Variants in NEIL2 observed in about 807,000 individuals in gnomAD.
NEIL2 encodes the protein endonuclease 8-like 2.
In NEIL2, 23 loss-of-function variants were observed where a neutral mutation model predicts 22.2. That is an observed-to-expected ratio of 1.04 (90% CI 0.75 to 1.47). NEIL2 has a LOEUF of 1.47. Among genes scored for constraint, NEIL2 ranks in the 40% most tolerant of loss-of-function variants. The pLI, the probability that NEIL2 is intolerant of heterozygous loss-of-function variation, is 0.00. For synonymous variants in NEIL2, 229 were observed against 164.8 expected (o/e 1.39, Z -2.99); for missense variants, 583 against 404.7 (o/e 1.44, Z -3.78).
In NEIL2 at chr8:11,786,633, T is replaced by G. The variant is rs1804986491; in HGVS notation, c.*360T>G. 5 of 297,062 alleles carry G rather than the reference T, an allele frequency of 1.7e-5. No individual in the cohort carries two copies. Among genetic ancestry groups the G allele is most frequent in the Non-Finnish European group, 2.6e-5 (4 of 155,746 alleles). 18.4% of individuals were successfully genotyped at this position (297,062 alleles called of 1,614,324 possible). A position where few individuals can be genotyped will look rare whatever the true frequency, so the allele number is the denominator to read the frequency against. ...TAGCTTTGCAGATGATGTGGGTTTT[T>G]TTTTTTTTTTTGGTTGTTTGTTTTG... On this transcript the variant is annotated 3_prime_UTR_variant, in exon 5 of 5. Transcript: ENST00000284503.
intron 2 of NEIL2, among the ~76,000 whole-genome samples, chr8:11,775,041 G>C (rs1427159315): frequency 2.6e-5 from 4 of 152,238 alleles, no homozygotes; most frequent in South Asian, 2.1e-4. Context: ...CTGGGGTCTG[G>C]AGGACAGTGG....
At chr8:11,776,192 A>G (rs944144483) in intron 2 of NEIL2, among the ~76,000 whole-genome samples, 2 of 152,240 alleles carry the variant, frequency 1.3e-5, no homozygotes, top group Non-Finnish European at 1.5e-5. Context: ...AAGCAAAGGC[A>G]TGTCTTACAT....
chr8:11,776,301 C>A (rs571702440), intron 2 of NEIL2, among the ~76,000 whole-genome samples: 3 of 152,146 alleles, frequency 2.0e-5, no homozygotes, highest in Non-Finnish European at 4.4e-5. Flanking sequence ...GGGAAAAAAC[C>A]CATCCCCATG....
chr8:11,779,576 G>A (rs8191610), intron 2 of NEIL2, 22 bp from the exon 3 acceptor site: 1 of 1,564,090 alleles, frequency 6.4e-7, no homozygotes, highest in East Asian at 2.2e-5. Flanking sequence ...GTAAGGCTTG[G>A]ATCTCTGTTC....
chr8:11,781,749 G>T (rs1304554275), intron 3 of NEIL2, among the ~76,000 whole-genome samples: 1 of 151,974 alleles, frequency 6.6e-6, no homozygotes. Flanking sequence ...CTACTTTGTT[G>T]GTCTTTGAAA....
intron 2 of NEIL2, among the ~76,000 whole-genome samples, chr8:11,778,545 A>G (rs1804106542): frequency 6.6e-6 from 1 of 152,116 alleles, no homozygotes; most frequent in Non-Finnish European, 1.5e-5. Flanking sequence ...AATGCCAGAT[A>G]TTTTGGTTTA....
intron 2 of NEIL2, among the ~76,000 whole-genome samples, chr8:11,772,985 G>A (rs1323983505): frequency 6.6e-6 from 1 of 152,102 alleles, no homozygotes; most frequent in African/African-American, 2.4e-5. Flanking sequence ...AAGAGATCCT[G>A]TAGCCCTGTA....
chr8:11,779,791 GC>G lies in NEIL2; in HGVS notation c.333del (p.Glu112ArgfsTer32). ...SSRSAELVPQ[G>X]EDDSEYLERD... ...CGGTCTGCAGAGCTCGTCCCCCAGG[GC>G]GAGGATGATTCTGAGTATTTGGAGA... On this transcript the variant is annotated frameshift_variant, in exon 3 of 5. Coordinates refer to ENST00000284503, the MANE Select transcript of NEIL2 (RefSeq NM_145043.4). LOFTEE classifies it high-confidence loss of function. 2.5e-6 allele frequency: 4 copies of G among 1,614,222 alleles called. No individual in the cohort carries two copies. The highest frequency in any genetic ancestry group is 3.4e-6 in the Non-Finnish European group (4 of 1,180,042).
intron 1 of NEIL2, 52 bp from the exon 2 acceptor site, chr8:11,771,394 T>G: frequency 6.2e-7 from 1 of 1,610,332 alleles, no homozygotes; most frequent in Non-Finnish European, 8.5e-7. Context: ...TTAAAGATGC[T>G]AGAGATAAAT....
At chr8:11,775,080 G>T (rs1803791043) in intron 2 of NEIL2, among the ~76,000 whole-genome samples, 1 of 152,268 alleles carries the variant, frequency 6.6e-6, no homozygotes. Flanking sequence ...ACTAGGCAGT[G>T]CCCCAGTGGG....
rs1035289298 is a variant in NEIL2, at chr8:11,783,345, C to T, written c.634C>T (p.Gln212Ter). 6.2e-7 allele frequency: 1 copy of T among 1,614,192 alleles called. No individual in the cohort carries two copies. Among genetic ancestry groups the T allele is most frequent in the Non-Finnish European group, 8.5e-7 (1 of 1,180,030 alleles). The change falls in exon 4 of 5, where the codon CAG becomes TAG. Residue 212 changes from glutamine to a stop codon, truncating the protein, a stop_gained. Coordinates refer to ENST00000284503, the MANE Select transcript of NEIL2 (RefSeq NM_145043.4). LOFTEE classifies it high-confidence loss of function. ...AGGACAAGCCTTAGAAGCTCTAGGC[C>T]AGGCTCAGCCTGTCTGCTATACACT... is the stretch of plus-strand genomic sequence containing the variant. ...HRGQALEALG[Q>*]AQPVCYTLLD...
At position 11,769,737 on chromosome 8, in the gene NEIL2, G is replaced by T. The variant is rs917700578; in HGVS notation, c.-601G>T. 2.0e-5 allele frequency: 3 copies of T among 152,410 alleles called. No homozygotes were observed. Among genetic ancestry groups the T allele is most frequent in the Admixed American group, 6.5e-5 (1 of 15,292 alleles). 9.4% of individuals were successfully genotyped at this position (152,410 alleles called of 1,614,324 possible). ...ATCTCCGCCCCCAGCTGGAGCGGCT[G>T]TGCGGGCTGCGTAGCGGTGCTGGGT... On this transcript the variant is annotated 5_prime_UTR_variant, in exon 1 of 5. Coordinates refer to ENST00000284503, the MANE Select transcript of NEIL2 (RefSeq NM_145043.4).
rs373443253 is a variant in NEIL2 at position 11,779,928 on chromosome 8, G to T, written c.469G>T (p.Asp157Tyr). The T allele has an allele frequency of 3.3e-5, 53 of 1,613,926 alleles. No individual in the cohort carries two copies. The highest frequency in any genetic ancestry group is 4.0e-5 in the African/African-American group (3 of 74,910). The change falls in exon 3 of 5, where the codon GAC becomes TAC. Residue 157 changes from aspartate (D) to tyrosine (Y), a missense_variant. Physicochemically the swap from Asp to Tyr is radical, Grantham distance 160. Coordinates refer to ENST00000284503, the MANE Select transcript of NEIL2 (RefSeq NM_145043.4). ...AGCCAAGAAAGCCAACAAGAGGGGG[G>T]ACTGGAGGGACCCTTCCCCGAGGTA... ...SRAKKANKRG[D>Y]WRDPSPRLVL... is the part of the protein sequence containing the mutation.
rs1554508759 is a variant in NEIL2, at chr8:11,786,628, G to GCTTTTTTTT, written c.*355_*356insCTTTTTTTT. On this transcript the variant is annotated 3_prime_UTR_variant, in exon 5 of 5. Coordinates refer to ENST00000284503, the MANE Select transcript of NEIL2 (RefSeq NM_145043.4). ...CAACATAGCTTTGCAGATGATGTGG[G>GCTTTTTTTT]TTTTTTTTTTTTTTTTGGTTGTTTG... is the stretch of plus-strand genomic sequence containing the variant. 4.8e-6 allele frequency: 1 copy of GCTTTTTTTT among 207,160 alleles called. No homozygotes were observed. 12.8% of individuals were successfully genotyped at this position (207,160 alleles called of 1,614,324 possible). A position where few individuals can be genotyped will look rare whatever the true frequency, so the allele number is the denominator to read the frequency against.
intron 3 of NEIL2, among the ~76,000 whole-genome samples, chr8:11,782,421 A>T (rs1804506499): frequency 6.6e-6 from 1 of 152,166 alleles, no homozygotes; most frequent in Non-Finnish European, 1.5e-5. Context: ...ATGAAACTCC[A>T]TCTCAAAAAA....
rs201996408 is a variant in NEIL2 at position 11,786,219 on chromosome 8, C to T, written c.945C>T (p.Cys315=). Residue 315 remains cysteine (C), a synonymous_variant, in exon 5 of 5, where the codon TGC becomes TGT. Coordinates refer to ENST00000284503, the MANE Select transcript of NEIL2 (RefSeq NM_145043.4). ...EDGLQRLTWW[C]PQCQPQLSEE... ...GGTTACAGAGGCTCACCTGGTGGTG[C>T]CCGCAGTGCCAGCCCCAGTTGTCAG... The T allele has an allele frequency of 1.1e-4, 170 of 1,613,064 alleles. No homozygotes were observed. The highest frequency in any genetic ancestry group is 1.0e-4 in the Non-Finnish European group (122 of 1,180,016).
At chr8:11,785,009 C>T (rs1804766960) in intron 4 of NEIL2, among the ~76,000 whole-genome samples, 1 of 152,042 alleles carries the variant, frequency 6.6e-6, no homozygotes, top group Admixed American at 6.6e-5. Context: ...GGTGAGACTA[C>T]AGGTGCATGA....
rs778136656 is a variant in NEIL2 at position 11,785,988 on chromosome 8, G to A, written c.714G>A (p.Leu238=). Residue 238 remains leucine (L), a synonymous_variant, in exon 5 of 5, where the codon TTG becomes TTA. Coordinates refer to ENST00000284503, the MANE Select transcript of NEIL2 (RefSeq NM_145043.4). The part of the protein sequence containing the change: ...GLGNIIKNEA[L]YRAGIHPLSL... ...GGAACATCATTAAGAATGAAGCCTT[G>A]TACAGAGCTGGGATCCATCCCCTTT... 3 of 1,614,084 alleles carry A rather than the reference G, an allele frequency of 1.9e-6. No individual in the cohort carries two copies. The South Asian group carries it at 3.3e-5, about 18-fold the overall frequency.
chr8:11,785,546 G>C (rs1213165421), intron 4 of NEIL2, among the ~76,000 whole-genome samples: 1 of 152,196 alleles, frequency 6.6e-6, no homozygotes, highest in Non-Finnish European at 1.5e-5. Context: ...ACCAGCCACT[G>C]TGCTCAGCGT....
Sources: allele counts gnomAD v4.1 joint callset (sites outside exome capture counted in the v4.1 genomes callset), GRCh38; gene constraint gnomAD v4.1.1; transcripts MANE v1.5; gene names NCBI Gene and HGNC (gene_info 2026-07-23, HGNC 2026-07-21).